The following ZIC2 variants were observed in gnomAD, a reference collection of about 807,000 sequenced individuals.
ZIC2 encodes Zic family zinc finger 2.
Under a neutral mutation model 29.5 loss-of-function variants are expected in ZIC2, and 7 were observed. The ratio of observed to expected loss-of-function variants is 0.24; its 90% confidence interval spans 0.14 to 0.45. The LOEUF is 0.45. Among genes scored for constraint, ZIC2 ranks in the 20% least tolerant of loss-of-function variants. The probability of loss-of-function intolerance (pLI) is 1.00; values close to 1 mark genes in which losing one functional copy is unlikely to be tolerated. For synonymous variants in ZIC2, 408 were observed against 354.2 expected (o/e 1.15, Z -1.70); for missense variants, 589 against 781.2 (o/e 0.75, Z 2.93).
At position 99,982,879 on chromosome 13, in the gene ZIC2, G is replaced by A; in HGVS notation, c.815G>A (p.Ser272Asn). Reference protein sequence around the residue: ...DPEQLSNPKKSCNKTFSTMHE... With the variant: ...DPEQLSNPKKNCNKTFSTMHE... ...GAGCAACTGAGCAATCCCAAGAAGA[G>A]CTGCAACAAAACTTTCAGCACCATG... The change falls in exon 1 of 3, where the codon AGC becomes AAC. Residue 272 changes from serine (S) to asparagine (N), a missense_variant. This residue lies in a region of ZIC2 where 27 missense variants were observed against 47.5 expected (regional missense o/e 0.57). Transcript: ENST00000376335. 6.2e-7 allele frequency: 1 copy of A among 1,613,602 alleles called. No homozygotes were observed. The highest frequency in any genetic ancestry group is 8.5e-7 in the Non-Finnish European group (1 of 1,180,010).
rs1477624694 is a variant in ZIC2, at chr13:99,985,626, G to T, written c.1543G>T (p.Gly515Trp). 1 of 1,226,638 alleles carries T rather than the reference G, an allele frequency of 8.2e-7. No individual in the cohort carries two copies. 76.0% of individuals were successfully genotyped at this position (1,226,638 alleles called of 1,614,324 possible). A position where few individuals can be genotyped will look rare whatever the true frequency, so the allele number is the denominator to read the frequency against. The part of the protein sequence containing the change: ...GGGGSSGGGS[G>W]TAGGHSGLSS... ...CGGCGGCAGCTCTGGCGGGGGCAGCGGGACAGCCGGGGGTCACAGCGGCCT... is the reference window on the plus strand; with the variant it reads ...CGGCGGCAGCTCTGGCGGGGGCAGCTGGACAGCCGGGGGTCACAGCGGCCT... The change falls in exon 3 of 3, where the codon GGG (glycine) becomes TGG (tryptophan). Residue 515 changes from glycine to tryptophan, a missense_variant. Around this residue, in one of 7 missense-constraint regions of ZIC2, gnomAD observed 135 missense variants for 136.7 expected, o/e 0.99. Coordinates refer to ENST00000376335, the MANE Select transcript of ZIC2 (RefSeq NM_007129.5). The surrounding 1 kb of genome is among the most constrained non-coding windows in gnomAD (Gnocchi z 6.3).
chr13:99,985,722 G>T lies in ZIC2; in HGVS notation c.*40G>T. On this transcript the variant is annotated 3_prime_UTR_variant, in exon 3 of 3. Transcript: ENST00000376335. The surrounding 1 kb of genome is among the most constrained non-coding windows in gnomAD (Gnocchi z 6.3). ...TCTCCCTCTCCCTGTCCCCACCCCA[G>T]CGCAGCAGCCCTCCCCGCAGCTAGC... 8.1e-7 allele frequency: 1 copy of T among 1,234,028 alleles called. No individual in the cohort carries two copies. The highest frequency in any genetic ancestry group is 1.1e-6 in the Non-Finnish European group (1 of 945,104). The allele number at this position is 1,234,028 out of a possible 1,614,324, so 76.4% of individuals were successfully genotyped here. A position where few individuals can be genotyped will look rare whatever the true frequency, so the allele number is the denominator to read the frequency against.
Position 99,985,754 on chromosome 13 carries a change from G to A in ZIC2, c.*72G>A. The A allele has an allele frequency of 1.1e-6, 1 of 878,206 alleles. No homozygotes were observed. Among genetic ancestry groups the A allele is most frequent in the Non-Finnish European group, 1.5e-6 (1 of 653,230 alleles). 54.4% of individuals were successfully genotyped at this position (878,206 alleles called of 1,614,324 possible). On this transcript the variant is annotated 3_prime_UTR_variant, in exon 3 of 3. Coordinates refer to ENST00000376335, the MANE Select transcript of ZIC2 (RefSeq NM_007129.5). The surrounding 1 kb of genome is among the most constrained non-coding windows in gnomAD (Gnocchi z 6.3). ...AGCCCTCCCCGCAGCTAGCAGCGAG[G>A]GCACCTTGTGATCATGTTGTTAAAA...
In ZIC2 at chr13:99,982,363, C is replaced by G; in HGVS notation, c.299C>G (p.Pro100Arg). ...AAAAAAAALG[P>R]HAAHVGSYSG... ...GCCGCTGCGGCCGCAGCGCTCGGGC[C>G]CCACGCCGCGCACGTTGGCTCCTAC... is the stretch of plus-strand genomic sequence containing the variant. Residue 100 changes from proline (P) to arginine (R), a missense_variant, in exon 1 of 3, where the codon CCC (proline) becomes CGC (arginine). Pro to Arg is a moderately radical substitution (Grantham distance 103). Transcript: ENST00000376335. The G allele has an allele frequency of 6.8e-7, 1 of 1,477,388 alleles. No homozygotes were observed. Among genetic ancestry groups the G allele is most frequent in the Non-Finnish European group, 9.0e-7 (1 of 1,116,164 alleles). The allele number at this position is 1,477,388 out of a possible 1,614,324, so 91.5% of individuals were successfully genotyped here. A position where few individuals can be genotyped will look rare whatever the true frequency, so the allele number is the denominator to read the frequency against.
Position 99,985,124 on chromosome 13 carries a change from G to A in ZIC2, c.1239+15G>A. The stretch of plus-strand genomic sequence containing the variant: ...AGCACATGAAGGTACCACCGCGGCG[G>A]CCGGGAGGAGGGCGAGGCAGGCCGA... On this transcript the variant is annotated intron_variant, in intron 2 of 2. Coordinates refer to ENST00000376335, the MANE Select transcript of ZIC2 (RefSeq NM_007129.5). This position sits in a 1 kb window ranked among gnomAD's most constrained non-coding sequence, Gnocchi z 6.3. 1.2e-6 allele frequency: 2 copies of A among 1,613,948 alleles called. No homozygotes were observed. The highest frequency in any genetic ancestry group is 3.3e-5 in the Admixed American group (2 of 60,028).
rs2053239735 is a variant in ZIC2 at position 99,982,439 on chromosome 13, C to T, written c.375C>T (p.Gly125=). 4 of 1,443,426 alleles carry T rather than the reference C, an allele frequency of 2.8e-6. No homozygotes were observed. The highest frequency in any genetic ancestry group is 3.6e-6 in the Non-Finnish European group (4 of 1,104,738). The allele number at this position is 1,443,426 out of a possible 1,614,324, so 89.4% of individuals were successfully genotyped here. A position where few individuals can be genotyped will look rare whatever the true frequency, so the allele number is the denominator to read the frequency against. ...GGGACTTCCTGTTCCGCAGCCGCGG[C>T]TTCGGGGACTCGGCGCCGGGCGGCG... ...STRDFLFRSR[G]FGDSAPGGGQ... Residue 125 remains glycine (G), a synonymous_variant, in exon 1 of 3, where the codon GGC becomes GGT. Transcript: ENST00000376335.
rs1328753704 is a variant in ZIC2, at chr13:99,986,741, TATA to T, written c.*1064_*1066del. ...GTTTTGAGAGTAATGCATACAGAAATATAATAAAATGTGTTGAAACTGCATGAA... is the reference window on the plus strand; with the variant it reads ...GTTTTGAGAGTAATGCATACAGAAATATAAAATGTGTTGAAACTGCATGAA... On this transcript the variant is annotated 3_prime_UTR_variant, in exon 3 of 3. Coordinates refer to ENST00000376335, the MANE Select transcript of ZIC2 (RefSeq NM_007129.5). 3 of 152,650 alleles carry T rather than the reference TATA, an allele frequency of 2.0e-5. No individual in the cohort carries two copies. The highest frequency in any genetic ancestry group is 7.2e-5 in the African/African-American group (3 of 41,454). The allele number at this position is 152,650 out of a possible 1,614,324, so 9.5% of individuals were successfully genotyped here.
At position 99,985,052 on chromosome 13, in the gene ZIC2, C is replaced by T. The variant is rs757624783; in HGVS notation, c.1182C>T (p.Leu394=). 6.2e-7 allele frequency: 1 copy of T among 1,614,178 alleles called. No homozygotes were observed. The highest frequency in any genetic ancestry group is 1.6e-4 in the Middle Eastern group (1 of 6,062). Residue 394 remains leucine (L), a synonymous_variant, in exon 2 of 3, where the codon CTC becomes CTT. Coordinates refer to ENST00000376335, the MANE Select transcript of ZIC2 (RefSeq NM_007129.5). This position sits in a 1 kb window ranked among gnomAD's most constrained non-coding sequence, Gnocchi z 6.3. ...MHVHTSDKPY[L]CKMCDKSYTH... ...TCCACACCTCCGATAAGCCCTATCT[C>T]TGCAAGATGTGCGACAAGTCCTACA...
At position 99,982,048 on chromosome 13, in the gene ZIC2, G is replaced by T. The variant is rs2152162127; in HGVS notation, c.-17G>T. The stretch of plus-strand genomic sequence containing the variant: ...GCGGAGGCGCAGGGCTCGCAGGGGC[G>T]GGCGGGCGCGCTGGCCATGCTCCTG... On this transcript the variant is annotated 5_prime_UTR_variant, in exon 1 of 3. Transcript: ENST00000376335. 1 of 1,227,140 alleles carries T rather than the reference G, an allele frequency of 8.1e-7. No homozygotes were observed. The highest frequency in any genetic ancestry group is 3.2e-4 in the Middle Eastern group (1 of 3,170). 76.0% of individuals were successfully genotyped at this position (1,227,140 alleles called of 1,614,324 possible).
intron 1 of ZIC2, chr13:99,984,466 C>T (rs948821072): frequency 2.9e-5 from 6 of 208,644 alleles, no homozygotes; most frequent in Non-Finnish European, 3.9e-5. Context: ...AAAATACTGG[C>T]TCAGTCACTC....
In ZIC2 at chr13:99,985,118, G is replaced by T. The variant is rs766107194; in HGVS notation, c.1239+9G>T. 3 of 1,613,880 alleles carry T rather than the reference G, an allele frequency of 1.9e-6. No individual in the cohort carries two copies. The highest frequency in any genetic ancestry group is 2.2e-5 in the East Asian group (1 of 44,890). ...TGCGGAAGCACATGAAGGTACCACCGCGGCGGCCGGGAGGAGGGCGAGGCA... is the reference window on the plus strand; with the variant it reads ...TGCGGAAGCACATGAAGGTACCACCTCGGCGGCCGGGAGGAGGGCGAGGCA... On this transcript the variant is annotated intron_variant, in intron 2 of 2. Transcript: ENST00000376335. The surrounding 1 kb of genome is among the most constrained non-coding windows in gnomAD (Gnocchi z 6.3).
chr13:99,982,767 C>A lies in ZIC2; in HGVS notation c.703C>A (p.His235Asn). 1 of 1,604,888 alleles carries A rather than the reference C, an allele frequency of 6.2e-7. No homozygotes were observed. The highest frequency in any genetic ancestry group is 2.2e-5 in the East Asian group (1 of 44,860). The change falls in exon 1 of 3, where the codon CAC (histidine) becomes AAC (asparagine). Residue 235 changes from histidine to asparagine, a missense_variant. Around this residue, in one of 7 missense-constraint regions of ZIC2, gnomAD observed 358 missense variants for 382.0 expected, o/e 0.94. Coordinates refer to ENST00000376335, the MANE Select transcript of ZIC2 (RefSeq NM_007129.5). ...MAAAAAHHHH[H>N]HHHHPGAFFR... ...AGCAGCCGCGGCCCACCACCACCAC[C>A]ACCACCACCACCACCCCGGTGCCTT...
rs768255484 is a variant in ZIC2 at position 99,982,168 on chromosome 13, T to C, written c.104T>C (p.Met35Thr). Residue 35 changes from methionine (M) to threonine (T), a missense_variant, in exon 1 of 3, where the codon ATG (methionine) becomes ACG (threonine). Met to Thr is a moderately conservative substitution (Grantham distance 81). This residue lies in a region of ZIC2 where 358 missense variants were observed against 382.0 expected (regional missense o/e 0.94). Coordinates refer to ENST00000376335, the MANE Select transcript of ZIC2 (RefSeq NM_007129.5). ...GCGGCGGCGGCGGCTGCCGCCGAGA[T>C]GCAGGACCGTGAACTGAGCCTGGCG... is the stretch of plus-strand genomic sequence containing the variant. ...AAAAAAAAAE[M>T]QDRELSLAAA... 1.4e-6 allele frequency: 2 copies of C among 1,435,300 alleles called. No individual in the cohort carries two copies. The highest frequency in any genetic ancestry group is 1.8e-6 in the Non-Finnish European group (2 of 1,100,854). The allele number at this position is 1,435,300 out of a possible 1,614,324, so 88.9% of individuals were successfully genotyped here.
chr13:99,982,325 C>G lies in ZIC2; in HGVS notation c.261C>G (p.Gly87=). Residue 87 remains glycine (G), a synonymous_variant, in exon 1 of 3, where the codon GGC becomes GGG. Transcript: ENST00000376335. ...CGCAGGGCCCCGGCGCCTACCCCGG[C>G]TCCGCTGCGGCTGCCGCTGCGGCCG... ...FTSQGPGAYP[G]SAAAAAAAAA... 6.8e-7 allele frequency: 1 copy of G among 1,467,580 alleles called. No individual in the cohort carries two copies. Among genetic ancestry groups the G allele is most frequent in the Non-Finnish European group, 9.0e-7 (1 of 1,112,198 alleles). 90.9% of individuals were successfully genotyped at this position (1,467,580 alleles called of 1,614,324 possible). A position where few individuals can be genotyped will look rare whatever the true frequency, so the allele number is the denominator to read the frequency against.
Position 99,985,469 on chromosome 13 carries a change from G to A in ZIC2, c.1386G>A (p.Ala462=), listed in dbSNP as rs1383451056. The change falls in exon 3 of 3, where the codon GCG becomes GCA. Residue 462 remains alanine (A), a synonymous_variant. Coordinates refer to ENST00000376335, the MANE Select transcript of ZIC2 (RefSeq NM_007129.5). This position sits in a 1 kb window ranked among gnomAD's most constrained non-coding sequence, Gnocchi z 6.3. Reference sequence around the variant, plus strand: ...CCCCAGCGGCGGCGGCAGCGGCGGCGGCGGCTGCGGCGGCGGCGGCCGCGG... The same window carrying A: ...CCCCAGCGGCGGCGGCAGCGGCGGCAGCGGCTGCGGCGGCGGCGGCCGCGG... ...NLSPAAAAAA[A]AAAAAAAAVS... 2.3e-6 allele frequency: 3 copies of A among 1,305,646 alleles called. No individual in the cohort carries two copies. Among genetic ancestry groups the A allele is most frequent in the Non-Finnish European group, 9.7e-7 (1 of 1,036,088 alleles). The allele number at this position is 1,305,646 out of a possible 1,614,324, so 80.9% of individuals were successfully genotyped here.
rs780916615 is a variant in ZIC2, at chr13:99,985,373, C to T, written c.1290C>T (p.Ser430=). The T allele has an allele frequency of 3.1e-6, 5 of 1,597,686 alleles. No individual in the cohort carries two copies. The highest frequency in any genetic ancestry group is 4.2e-6 in the Non-Finnish European group (5 of 1,179,272). The change falls in exon 3 of 3, where the codon TCC becomes TCT. Residue 430 remains serine (S), a synonymous_variant. Transcript: ENST00000376335. This position sits in a 1 kb window ranked among gnomAD's most constrained non-coding sequence, Gnocchi z 6.3. ...CTGAATCCTCCCCGGCCGCCAGCTC[C>T]GGCTATGAGTCGTCCACGCCCCCGG... is the stretch of plus-strand genomic sequence containing the variant. ...QGSESSPAAS[S]GYESSTPPGL...
chr13:99,982,453 C>T lies in ZIC2; in HGVS notation c.389C>T (p.Ala130Val), dbSNP rs2053239818. 2.1e-6 allele frequency: 3 copies of T among 1,428,534 alleles called. No individual in the cohort carries two copies. The highest frequency in any genetic ancestry group is 2.7e-6 in the Non-Finnish European group (3 of 1,098,522). The allele number at this position is 1,428,534 out of a possible 1,614,324, so 88.5% of individuals were successfully genotyped here. A position where few individuals can be genotyped will look rare whatever the true frequency, so the allele number is the denominator to read the frequency against. ...LFRSRGFGDS[A>V]PGGGQHGLFG... ...CGCAGCCGCGGCTTCGGGGACTCGG[C>T]GCCGGGCGGCGGGCAGCACGGGCTG... is the stretch of plus-strand genomic sequence containing the variant. Residue 130 changes from alanine to valine, a missense_variant, in exon 1 of 3, where the codon GCG (alanine) becomes GTG (valine). Physicochemically the swap from Ala to Val is moderately conservative, Grantham distance 64. Around this residue, in one of 7 missense-constraint regions of ZIC2, gnomAD observed 358 missense variants for 382.0 expected, o/e 0.94. Coordinates refer to ENST00000376335, the MANE Select transcript of ZIC2 (RefSeq NM_007129.5).
rs552988023 is a variant in ZIC2, at chr13:99,984,070, A to C, written c.1076-876A>C. Among the ~76,000 whole-genome samples, 12 of 152,348 alleles carry C rather than the reference A, an allele frequency of 7.9e-5. No individual in the cohort carries two copies. The East Asian group carries it at 9.6e-4, about 12-fold the overall frequency. On this transcript the variant is annotated intron_variant, in intron 1 of 2. Transcript: ENST00000376335. ...CGAGACAAGCTTTTAACAAGGTTTA[A>C]AATTTGAGAAATTTATTTGCATGAA...
Position 99,982,196 on chromosome 13 carries a change from G to A in ZIC2, c.132G>A (p.Ala44=), listed in dbSNP as rs1177831999. Residue 44 remains alanine (A), a synonymous_variant, in exon 1 of 3, where the codon GCG becomes GCA. Transcript: ENST00000376335. ...AGGACCGTGAACTGAGCCTGGCGGC[G>A]GCGCAGAACGGCTTCGTTGACTCCG... ...EMQDRELSLA[A]AQNGFVDSAA... is the part of the protein sequence containing the mutation. The A allele has an allele frequency of 1.9e-5, 28 of 1,490,776 alleles. No individual in the cohort carries two copies. Among genetic ancestry groups the A allele is most frequent in the Non-Finnish European group, 2.4e-5 (27 of 1,126,672 alleles). 92.3% of individuals were successfully genotyped at this position (1,490,776 alleles called of 1,614,324 possible).
Sources: gnomAD v4.1 joint callset for allele counts (sites outside exome capture counted in the v4.1 genomes callset) on GRCh38, gnomAD v4.1.1 for gene constraint, gnomAD v4.1.1 regional missense constraint, Gnocchi (gnomAD v3.1) non-coding constraint, MANE v1.5 for transcripts, NCBI Gene and HGNC (gene_info 2026-07-23, HGNC 2026-07-21) for gene names.